The following AGBL1 variants were observed in gnomAD, a reference collection of about 807,000 sequenced individuals.
AGBL1 encodes AGBL carboxypeptidase 1.
AGBL1 carries 130 observed loss-of-function variants against 118.9 expected under a neutral mutation model. That is an observed-to-expected ratio of 1.09 (90% CI 0.95 to 1.26). The LOEUF is 1.26. Among genes scored for constraint, AGBL1 ranks in the 50% most tolerant of loss-of-function variants. The probability of loss-of-function intolerance (pLI) is 0.00; values close to 1 mark genes in which losing one functional copy is unlikely to be tolerated. For synonymous variants in AGBL1, 555 were observed against 478.9 expected (o/e 1.16, Z -2.08); for missense variants, 1,584 against 1,298.1 (o/e 1.22, Z -3.38).
At chr15:87,018,910 A>G (rs1174225067) in intron 24 of AGBL1, among the ~76,000 whole-genome samples, 1 of 152,164 alleles carries the variant, frequency 6.6e-6, no homozygotes, top group African/African-American at 2.4e-5. Flanking sequence ...ACATAGTCTC[A>G]AAATAAAGGA....
intron 23 of AGBL1, among the ~76,000 whole-genome samples, chr15:86,948,713 C>A (rs1457268559): frequency 6.6e-6 from 1 of 152,166 alleles, no homozygotes; most frequent in African/African-American, 2.4e-5. Flanking sequence ...TAGCTAGTAT[C>A]CCTGAAAAAC....
chr15:86,939,805 A>C (rs563470113), intron 23 of AGBL1: 1 of 152,226 alleles, frequency 6.6e-6, no homozygotes, highest in Non-Finnish European at 1.5e-5. Flanking sequence ...ATAAGGAAGA[A>C]AGTCAGCCAA....
chr15:86,895,391 T>C (rs2080110924), intron 22 of AGBL1, among the ~76,000 whole-genome samples: 1 of 151,168 alleles, frequency 6.6e-6, no homozygotes, highest in Non-Finnish European at 1.5e-5. Flanking sequence ...TTATCTGACA[T>C]GTTTAGTTTT....
intron 22 of AGBL1, among the ~76,000 whole-genome samples, chr15:86,845,191 G>A (rs1235158814): frequency 6.6e-6 from 1 of 151,994 alleles, no homozygotes; most frequent in Admixed American, 6.6e-5. Flanking sequence ...TCTACAAAAG[G>A]TCTGTTGAGA....
At chr15:86,785,156 A>C (rs772652446) in intron 22 of AGBL1, among the ~76,000 whole-genome samples, 3 of 152,016 alleles carry the variant, frequency 2.0e-5, no homozygotes, top group Non-Finnish European at 4.4e-5. Flanking sequence ...GAATAGGAGA[A>C]AGGAGAGCCA....
intron 21 of AGBL1, among the ~76,000 whole-genome samples, chr15:86,642,563 A>G (rs2142471627): frequency 6.6e-6 from 1 of 152,024 alleles, no homozygotes; most frequent in African/African-American, 2.4e-5. Context: ...TTTAAACAAC[A>G]TGCAACTTTT....
chr15:86,264,192 G>A, intron 10 of AGBL1, 66 bp from the exon 11 acceptor site: 5 of 1,299,040 alleles, frequency 3.8e-6, no homozygotes, highest in Non-Finnish European at 5.3e-6. Context: ...GTAAGGACAG[G>A]GATCAAATTG....
chr15:86,774,999 G>C lies in AGBL1; in HGVS notation c.3158+100563G>C, dbSNP rs28415326. The stretch of plus-strand genomic sequence containing the variant: ...TTTGTACTTTGGGAAATGTTCATTT[G>C]TTTATTCATATCCCAAAAAATACAC... On this transcript the variant is annotated intron_variant, in intron 22 of 22. Transcript: ENST00000614907. Among the ~76,000 whole-genome samples, 338 of 152,244 alleles carry C rather than the reference G, an allele frequency of 2.2e-3. 1 individual carries two copies. Among genetic ancestry groups the C allele is most frequent in the African/African-American group, 7.7e-3 (322 of 41,568 alleles).
chr15:86,696,792 G>C (rs2086270329), intron 22 of AGBL1, among the ~76,000 whole-genome samples: 1 of 151,852 alleles, frequency 6.6e-6, no homozygotes, highest in Non-Finnish European at 1.5e-5. Flanking sequence ...TGCTGGCTTG[G>C]TAGCAGCAAA....
chr15:86,494,360 T>A (rs1183063285), intron 18 of AGBL1, among the ~76,000 whole-genome samples: 3 of 152,090 alleles, frequency 2.0e-5, no homozygotes, highest in Non-Finnish European at 4.4e-5. Context: ...AAGATTTTTC[T>A]TATAAAGTGT....
chr15:86,808,743 C>T (rs994149026), intron 22 of AGBL1, among the ~76,000 whole-genome samples: 1 of 150,884 alleles, frequency 6.6e-6, no homozygotes. Flanking sequence ...TCCCTTCTTT[C>T]CTTCCTTCTC....
chr15:86,364,985 A>ATATATT (rs1236412654), intron 17 of AGBL1, among the ~76,000 whole-genome samples: 1 of 84,512 alleles, frequency 1.2e-5, no homozygotes, highest in Non-Finnish European at 2.9e-5. Context: ...ATATATATAT[A>ATATATT]TATACACACA....
At chr15:86,822,609 A>C (rs1567191498) in intron 22 of AGBL1, among the ~76,000 whole-genome samples, 1 of 152,148 alleles carries the variant, frequency 6.6e-6, no homozygotes, top group African/African-American at 2.4e-5. Flanking sequence ...TGTGGTTAGC[A>C]GGTCTATGCG....
chr15:86,995,441 C>A (rs1384863414), intron 24 of AGBL1, among the ~76,000 whole-genome samples: 1 of 152,056 alleles, frequency 6.6e-6, no homozygotes. Context: ...TAGAAGTTAA[C>A]CAACCTGTCC....
intron 21 of AGBL1, among the ~76,000 whole-genome samples, chr15:86,604,039 C>G (rs1034767565): frequency 1.3e-5 from 2 of 151,912 alleles, no homozygotes; most frequent in African/African-American, 4.9e-5. Flanking sequence ...TTCAGGCAAG[C>G]ATTTTCTTAC....
chr15:86,651,404 A>T (rs184316268), intron 21 of AGBL1, among the ~76,000 whole-genome samples: 2 of 152,324 alleles, frequency 1.3e-5, no homozygotes, highest in Admixed American at 1.3e-4. Context: ...AGAGGATTAG[A>T]TTCTGGTTAA....
chr15:86,312,127 C>T (rs1483110667), intron 17 of AGBL1: 1 of 152,210 alleles, frequency 6.6e-6, no homozygotes, highest in Non-Finnish European at 1.5e-5. Flanking sequence ...CAAAACAAAA[C>T]TTACAGTCAC....
chr15:86,812,779 T>C (rs111388484), intron 22 of AGBL1, among the ~76,000 whole-genome samples: 185 of 152,340 alleles, frequency 1.2e-3, no homozygotes, highest in African/African-American at 4.2e-3. Context: ...ACCCATGTTA[T>C]ATTGCACTAT....
chr15:86,405,796 G>A (rs546153615), intron 18 of AGBL1, among the ~76,000 whole-genome samples: 98 of 152,068 alleles, frequency 6.4e-4, no homozygotes, highest in Non-Finnish European at 1.1e-3. Context: ...TACAAGGTTC[G>A]CGCAAGTGGT....
Sources: allele counts gnomAD v4.1 joint callset (sites outside exome capture counted in the v4.1 genomes callset), GRCh38; gene constraint gnomAD v4.1.1; transcripts MANE v1.5; gene names NCBI Gene and HGNC (gene_info 2026-07-23, HGNC 2026-07-21).